Variants in GORAB observed in about 807,000 individuals in gnomAD.
The protein encoded by GORAB is RAB6-interacting golgin.
In GORAB, 17 loss-of-function variants were observed where a neutral mutation model predicts 29.9. The ratio of observed to expected loss-of-function variants is 0.57; its 90% CI spans 0.39 to 0.85. The LOEUF is 0.85. GORAB is among the 40% of genes least tolerant of loss of function. GORAB has a pLI of 0.00. For missense variants in GORAB, 442 were observed against 437.8 expected (o/e 1.01, Z -0.09); for synonymous variants, 183 against 157.2 (o/e 1.16, Z -1.23).
At chr1:170,544,279 T>TATCTTTATATATC (rs1649618016) in intron 3 of GORAB, among the ~76,000 whole-genome samples, 1 of 152,140 alleles carries the variant, frequency 6.6e-6, no homozygotes, top group Non-Finnish European at 1.5e-5. Context: ...AGAGGTGTGG[T>TATCTTTATATATC]TTAGTATAGA....
intron 1 of GORAB, among the ~76,000 whole-genome samples, chr1:170,532,994 A>G (rs1424426120): frequency 6.6e-6 from 1 of 152,168 alleles, no homozygotes; most frequent in African/African-American, 2.4e-5. Flanking sequence ...TTGTGGAAGG[A>G]ATTAAGTTTG....
intron 1 of GORAB, 144 bp downstream of exon 1, chr1:170,532,428 G>A (rs1648747729): frequency 2.3e-6 from 2 of 871,742 alleles, no homozygotes; most frequent in Non-Finnish European, 3.7e-6. Flanking sequence ...TGGATTAGGG[G>A]GTTTCAGAGG....
chr1:170,547,858 A>G (rs1378386978), intron 4 of GORAB, among the ~76,000 whole-genome samples: 1 of 152,204 alleles, frequency 6.6e-6, no homozygotes, highest in Non-Finnish European at 1.5e-5. Context: ...GATTAACTCT[A>G]TGATAAAATC....
chr1:170,552,439 A>T lies in GORAB; in HGVS notation c.1087A>T (p.Ile363Phe). The change falls in exon 5 of 5, where the codon ATT becomes TTT. Residue 363 changes from isoleucine to phenylalanine, a missense_variant. Physicochemically the swap from Ile to Phe is conservative, Grantham distance 21 (BLOSUM62 0). Coordinates refer to ENST00000367763, the MANE Select transcript of GORAB (RefSeq NM_152281.3). ...PNCPNQEGND[I>F]SAALAT is the part of the protein sequence containing the mutation. ...CTGCCCAAATCAAGAAGGTAATGAC[A>T]TTTCAGCTGCTTTGGCCACATGAAG... The T allele has an allele frequency of 6.2e-7, 1 of 1,613,880 alleles. No individual in the cohort carries two copies. Among genetic ancestry groups the T allele is most frequent in the South Asian group, 1.1e-5 (1 of 91,070 alleles).
chr1:170,547,562 A>G (rs1649839838), intron 4 of GORAB, among the ~76,000 whole-genome samples: 1 of 152,198 alleles, frequency 6.6e-6, no homozygotes, highest in Admixed American at 6.5e-5. Context: ...TTAAATCACT[A>G]TTGACCATCT....
At chr1:170,533,774 C>T (rs1234025933) in intron 1 of GORAB, 2 of 293,554 alleles carry the variant, frequency 6.8e-6, no homozygotes, top group African/African-American at 4.3e-5. Flanking sequence ...CTTCAAGGCC[C>T]ACTGTAGTGT....
At chr1:170,545,247 A>G in intron 4 of GORAB, 1 of 990,794 alleles carries the variant, frequency 1.0e-6, no homozygotes, top group Non-Finnish European at 1.2e-6. Context: ...GATATCTGAT[A>G]TAGTCCTATA....
intron 1 of GORAB, among the ~76,000 whole-genome samples, chr1:170,535,323 AGT>A (rs1296372273): frequency 1.3e-5 from 2 of 152,152 alleles, no homozygotes; most frequent in African/African-American, 2.4e-5. Flanking sequence ...TGGAAGACTG[AGT>A]GTGTGTGTTT....
chr1:170,535,720 C>A (rs1005063818), intron 1 of GORAB, among the ~76,000 whole-genome samples: 2 of 151,796 alleles, frequency 1.3e-5, no homozygotes, highest in Non-Finnish European at 2.9e-5. Context: ...TTCTTCCTTT[C>A]TTTCTTCTTT....
chr1:170,545,226 T>C (rs1042644203), intron 4 of GORAB: 53 of 997,648 alleles, frequency 5.3e-5, no homozygotes, highest in Non-Finnish European at 5.4e-5. Context: ...GTTCTTTCCA[T>C]TAAAATTTTT....
chr1:170,532,381 C>A (rs1571233301), intron 1 of GORAB, 97 bp downstream of exon 1: 3 of 1,033,910 alleles, frequency 2.9e-6, no homozygotes, highest in Admixed American at 2.0e-5. Flanking sequence ...GAAGCGGCTA[C>A]GTTTGTGTTA....
In GORAB at chr1:170,538,997, G is replaced by T. The variant is rs527472697; in HGVS notation, c.62-213G>T. On this transcript the variant is annotated intron_variant, in intron 1 of 4. Transcript: ENST00000367763. The stretch of plus-strand genomic sequence containing the variant: ...TCTCTGAAGATAAATTAAGAGATGG[G>T]GCAGTTTCTGTTAAATATTAACATT... 388 of 592,724 alleles carry T rather than the reference G, an allele frequency of 6.5e-4. 3 individuals are homozygous for T. The South Asian group carries it at 6.7e-3, about 10-fold the overall frequency. The allele number at this position is 592,724 out of a possible 1,614,324, so 36.7% of individuals were successfully genotyped here.
In GORAB at chr1:170,539,292, C is replaced by G; in HGVS notation, c.144C>G (p.Ser48Arg). The change falls in exon 2 of 5, where the codon AGC (serine) becomes AGG (arginine). Residue 48 changes from serine (S) to arginine (R), a missense_variant. Transcript: ENST00000367763. ...LQREKALVEQSQKLGLQDGST... is the reference protein window; with the variant it reads ...LQREKALVEQRQKLGLQDGST... The stretch of plus-strand genomic sequence containing the variant: ...GAGAAAAAGCCCTTGTAGAGCAAAG[C>G]CAAAAACTTGGGCTTCAAGATGGAT... 1 of 1,614,152 alleles carries G rather than the reference C, an allele frequency of 6.2e-7. No homozygotes were observed. Among genetic ancestry groups the G allele is most frequent in the Non-Finnish European group, 8.5e-7 (1 of 1,180,002 alleles).
intron 1 of GORAB, chr1:170,532,510 A>G: frequency 1.8e-6 from 1 of 543,468 alleles, no homozygotes; most frequent in Non-Finnish European, 3.3e-6. Context: ...AAAACGGTCC[A>G]GGAATCCACT....
At position 170,542,642 on chromosome 1, in the gene GORAB, G is replaced by C. The variant is rs763418173; in HGVS notation, c.521+50G>C. 17 of 1,162,466 alleles carry C rather than the reference G, an allele frequency of 1.5e-5. No individual in the cohort carries two copies. In the African/African-American group the frequency reaches 2.3e-4, roughly 16 times the overall value. 72.0% of individuals were successfully genotyped at this position (1,162,466 alleles called of 1,614,324 possible). A position where few individuals can be genotyped will look rare whatever the true frequency, so the allele number is the denominator to read the frequency against. ...CTGTTTGTAACCTGTAACCAGTTGTGTCATGTGTTATATTTGTTTTCCCAT... is the reference window on the plus strand; with the variant it reads ...CTGTTTGTAACCTGTAACCAGTTGTCTCATGTGTTATATTTGTTTTCCCAT... On this transcript the variant is annotated intron_variant, in intron 3 of 4. Coordinates refer to ENST00000367763, the MANE Select transcript of GORAB (RefSeq NM_152281.3).
At position 170,544,839 on chromosome 1, in the gene GORAB, A is replaced by ACGCT. The variant is rs1649659731; in HGVS notation, c.659_662dup (p.Lys222SerfsTer5). The ACGCT allele has an allele frequency of 6.2e-7, 1 of 1,608,684 alleles. No individual in the cohort carries two copies. Among genetic ancestry groups the ACGCT allele is most frequent in the African/African-American group, 1.3e-5 (1 of 74,846 alleles). ...GATCAGGCCAGCTTAGACTATTCAT[A>ACGCT]CGCTCGGTGAGTTGGGGAAATTGAA... On this transcript the variant is annotated frameshift_variant, in exon 4 of 5. Coordinates refer to ENST00000367763, the MANE Select transcript of GORAB (RefSeq NM_152281.3). LOFTEE classifies it low-confidence loss of function (END_TRUNC).
At position 170,553,326 on chromosome 1, in the gene GORAB, G is replaced by C. The variant is rs754691262; in HGVS notation, c.*864G>C. ...TGGACATGAATTACCCTGTCATGAA[G>C]CGTTTAAATTGTTAAAATGCTGATT... On this transcript the variant is annotated 3_prime_UTR_variant, in exon 5 of 5. Coordinates refer to ENST00000367763, the MANE Select transcript of GORAB (RefSeq NM_152281.3). The C allele has an allele frequency of 1.3e-4, 61 of 452,428 alleles. No homozygotes were observed. Among genetic ancestry groups the C allele is most frequent in the African/African-American group, 1.2e-3 (59 of 49,938 alleles). 28.0% of individuals were successfully genotyped at this position (452,428 alleles called of 1,614,324 possible). A position where few individuals can be genotyped will look rare whatever the true frequency, so the allele number is the denominator to read the frequency against.
At chr1:170,545,842 ATTAGAC>A (rs1372522519) in intron 4 of GORAB, 1 of 618,298 alleles carries the variant, frequency 1.6e-6, no homozygotes, top group Admixed American at 6.3e-5. Context: ...ACCATATGCT[ATTAGAC>A]TTAGAGTTGT....
intron 2 of GORAB, among the ~76,000 whole-genome samples, chr1:170,540,445 C>G (rs1558005275): frequency 1.4e-5 from 2 of 147,406 alleles, no homozygotes; most frequent in Non-Finnish European, 3.0e-5. Context: ...TTCAAAGTAT[C>G]TTTTTTTTTT....
Sources: allele counts gnomAD v4.1 joint callset (sites outside exome capture counted in the v4.1 genomes callset), GRCh38; gene constraint gnomAD v4.1.1; transcripts MANE v1.5; gene names NCBI Gene and HGNC (gene_info 2026-07-23, HGNC 2026-07-21).